The following KALRN variants were observed in gnomAD, a reference collection of about 807,000 sequenced individuals.
KALRN encodes kalirin.
In KALRN, 70 loss-of-function variants were observed where a neutral mutation model predicts 353.7. That is an observed-to-expected ratio of 0.20 (90% CI 0.16 to 0.24). The LOEUF (loss-of-function observed/expected upper bound fraction) is 0.24, where lower values mean the gene tolerates loss of function less well. Ranked by LOEUF, KALRN falls within the 10% of genes least tolerant of loss-of-function variation. The probability of loss-of-function intolerance (pLI) is 1.00; values close to 1 mark genes in which losing one functional copy is unlikely to be tolerated. For synonymous variants in KALRN, 1,391 were observed against 1,434.8 expected, an observed-to-expected ratio of 0.97 and a Z score of 0.69; for missense variants, 2,791 against 3,756.7, an observed-to-expected ratio of 0.74 and a Z score of 6.72.
chr3:124,178,970 G>A (rs947160211), intron 1 of KALRN, among the ~76,000 whole-genome samples: 11 of 152,056 alleles, frequency 7.2e-5, no homozygotes, highest in Non-Finnish European at 1.6e-4. Context: ...AGCTGGGTAT[G>A]GGGGCACACA....
Position 124,474,393 on chromosome 3 carries a change from A to G in KALRN, c.4032-270A>G, listed in dbSNP as rs1051795863. Among the ~76,000 whole-genome samples, 3 of 152,334 alleles carry G rather than the reference A, an allele frequency of 2.0e-5. No individual in the cohort carries two copies. In the South Asian group the frequency reaches 6.2e-4, roughly 32 times the overall value. On this transcript the variant is annotated intron_variant, in intron 25 of 59. Transcript: ENST00000682506. ...ACTTGCTGATAAAAAGTCCAACACA[A>G]ACAAAATATTTTATTATTTACTTTC... is the stretch of plus-strand genomic sequence containing the variant.
chr3:124,260,246 G>A (rs1246829418), intron 3 of KALRN, among the ~76,000 whole-genome samples: 1 of 152,140 alleles, frequency 6.6e-6, no homozygotes, highest in African/African-American at 2.4e-5. Flanking sequence ...CTTCTACCTT[G>A]ACAAATATAT....
chr3:124,628,742 ATTTTTTT>A (rs58523719), intron 34 of KALRN, among the ~76,000 whole-genome samples: 42 of 100,142 alleles, frequency 4.2e-4, no homozygotes, highest in African/African-American at 1.6e-3. Flanking sequence ...CACCTGGCTA[ATTTTTTT>A]TTTTTTTTTT....
At chr3:124,056,876 G>A (rs2041597275) in intron 1 of KALRN, among the ~76,000 whole-genome samples, 3 of 152,196 alleles carry the variant, frequency 2.0e-5, no homozygotes. Context: ...TTTTAGGGTA[G>A]CTATAATCTA....
intron 10 of KALRN, among the ~76,000 whole-genome samples, chr3:124,367,017 GC>G (rs1188941619): frequency 8.1e-6 from 1 of 123,590 alleles, no homozygotes; most frequent in East Asian, 2.6e-4. Context: ...GGGGCTGACC[GC>G]CCCCACCTCC....
At chr3:124,472,299 G>A (rs2060996122) in intron 25 of KALRN, among the ~76,000 whole-genome samples, 1 of 152,168 alleles carries the variant, frequency 6.6e-6, no homozygotes, top group Non-Finnish European at 1.5e-5. Flanking sequence ...GTCATCATGG[G>A]TATCCTTGCC....
intron 10 of KALRN, among the ~76,000 whole-genome samples, chr3:124,382,034 T>G (rs1329363248): frequency 1.3e-5 from 2 of 152,176 alleles, no homozygotes; most frequent in Non-Finnish European, 2.9e-5. Flanking sequence ...GGTTGTTGCT[T>G]GGGCTCTGAA....
chr3:124,713,922 T>C (rs376720122), intron 58 of KALRN, among the ~76,000 whole-genome samples: 1 of 152,192 alleles, frequency 6.6e-6, no homozygotes, highest in Non-Finnish European at 1.5e-5. Context: ...TTTTCAGCTT[T>C]TCAACTACCA....
intron 5 of KALRN, among the ~76,000 whole-genome samples, chr3:124,291,291 A>T (rs1403229796): frequency 8.5e-5 from 13 of 152,212 alleles, no homozygotes; most frequent in Admixed American, 8.5e-4. Flanking sequence ...TCACCACCTC[A>T]GGGATGTCCA....
At chr3:124,495,955 G>GTATATATATATA (rs1448727495) in intron 32 of KALRN, among the ~76,000 whole-genome samples, 1 of 27,426 alleles carries the variant, frequency 3.6e-5, no homozygotes, top group Non-Finnish European at 6.2e-5. Flanking sequence ...GTGTGTGTAT[G>GTATATATATATA]TGTATGTATG....
At chr3:124,283,287 C>G (rs2075529363) in intron 5 of KALRN, among the ~76,000 whole-genome samples, 1 of 152,208 alleles carries the variant, frequency 6.6e-6, no homozygotes, top group Non-Finnish European at 1.5e-5. Flanking sequence ...TGCCAAGGGC[C>G]AGATCTCAGT....
At chr3:124,118,086 T>A (rs2063616719) in intron 1 of KALRN, among the ~76,000 whole-genome samples, 1 of 152,122 alleles carries the variant, frequency 6.6e-6, no homozygotes, top group African/African-American at 2.4e-5. Context: ...CCAGGAAACC[T>A]CCCTGAGGGC....
intron 11 of KALRN, among the ~76,000 whole-genome samples, chr3:124,388,058 A>G (rs2088684009): frequency 6.6e-6 from 1 of 152,064 alleles, no homozygotes; most frequent in Admixed American, 6.6e-5. Flanking sequence ...ATATGTGTAC[A>G]CACACATGCA....
At chr3:124,600,997 A>G (rs1397090900) in intron 34 of KALRN, among the ~76,000 whole-genome samples, 1 of 152,194 alleles carries the variant, frequency 6.6e-6, no homozygotes, top group African/African-American at 2.4e-5. Context: ...TAAGTAAGCT[A>G]GAGCTTTTTG....
chr3:124,465,142 G>T (rs1326959976), intron 25 of KALRN, among the ~76,000 whole-genome samples: 1 of 151,888 alleles, frequency 6.6e-6, no homozygotes, highest in South Asian at 2.1e-4. Context: ...AGGATCTGTG[G>T]GCTGTCTTTA....
At chr3:124,457,145 C>T (rs562561421) in intron 23 of KALRN, among the ~76,000 whole-genome samples, 33 of 152,258 alleles carry the variant, frequency 2.2e-4, no homozygotes, top group Admixed American at 9.2e-4. Context: ...TCTCAGCTCA[C>T]TGCAACCTCC....
chr3:124,462,508 T>G lies in KALRN; in HGVS notation c.3922-16T>G, dbSNP rs773762402. Reference sequence around the variant, plus strand: ...CTGCCAGACTTGCCAGTGATGAAACTGTTACTGTCTTACAGACCTACCTGT... The same window carrying G: ...CTGCCAGACTTGCCAGTGATGAAACGGTTACTGTCTTACAGACCTACCTGT... On this transcript the variant is annotated splice_polypyrimidine_tract_variant and intron_variant, in intron 24 of 59. Coordinates refer to ENST00000682506, the MANE Select transcript of KALRN (RefSeq NM_001388419.1). 6.8e-7 allele frequency: 1 copy of G among 1,466,816 alleles called. No individual in the cohort carries two copies. Among genetic ancestry groups the G allele is most frequent in the Non-Finnish European group, 9.5e-7 (1 of 1,047,992 alleles). The allele number at this position is 1,466,816 out of a possible 1,614,324, so 90.9% of individuals were successfully genotyped here.
intron 5 of KALRN, among the ~76,000 whole-genome samples, chr3:124,295,728 T>C (rs1197393505): frequency 1.3e-5 from 2 of 152,236 alleles, no homozygotes; most frequent in East Asian, 3.8e-4. Context: ...TCATTAACTT[T>C]ATTGATTCTT....
At chr3:124,697,232 C>T (rs1339422398) in intron 54 of KALRN, among the ~76,000 whole-genome samples, 3 of 152,184 alleles carry the variant, frequency 2.0e-5, no homozygotes, top group Non-Finnish European at 4.4e-5. Flanking sequence ...GGGCTCCCTG[C>T]GACCTGGGGG....
Sources: gnomAD v4.1 joint callset for allele counts (sites outside exome capture counted in the v4.1 genomes callset) on GRCh38, gnomAD v4.1.1 for gene constraint, MANE v1.5 for transcripts, NCBI Gene and HGNC (gene_info 2026-07-23, HGNC 2026-07-21) for gene names.